Variants in SERGEF observed in about 807,000 individuals in gnomAD.
The protein encoded by SERGEF is secretion-regulating guanine nucleotide exchange factor.
Under a neutral mutation model 50.0 loss-of-function variants are expected in SERGEF, and 51 were observed. The observed-to-expected ratio is 1.02, with a 90% CI of 0.81 to 1.29. The LOEUF is 1.29. Ranked by LOEUF, SERGEF falls within the 50% of genes most tolerant of loss-of-function variation. The pLI, the probability that SERGEF is intolerant of heterozygous loss-of-function variation, is 0.00. For synonymous variants in SERGEF, 205 were observed against 212.4 expected, an observed-to-expected ratio of 0.97 and a Z score of 0.30; for missense variants, 521 against 557.0, an observed-to-expected ratio of 0.94 and a Z score of 0.65.
intron 10 of SERGEF, among the ~76,000 whole-genome samples, chr11:17,833,255 G>A (rs765379651): frequency 5.3e-5 from 8 of 152,338 alleles, no homozygotes; most frequent in South Asian, 2.1e-4. Context: ...AGCTTGGGCC[G>A]TGGCTTCAGA....
intron 10 of SERGEF, among the ~76,000 whole-genome samples, chr11:17,813,332 C>A (rs1849907365): frequency 6.6e-6 from 1 of 152,180 alleles, no homozygotes; most frequent in Admixed American, 6.5e-5. Flanking sequence ...GAGGCCTAAG[C>A]TCATGAGGTG....
intron 9 of SERGEF, among the ~76,000 whole-genome samples, chr11:17,921,942 G>A (rs1852164415): frequency 6.6e-6 from 1 of 152,246 alleles, no homozygotes; most frequent in African/African-American, 2.4e-5. Context: ...AGCACAATGG[G>A]AAGTGGCTGA....
chr11:17,942,306 A>G lies in SERGEF; in HGVS notation c.1011+17164T>C, dbSNP rs192031965. ...CTCCCAGCAGTGTTTTGTAGTTTTTATGTACAAGTCTTGCACGTTTTTGTT... is the reference window on the plus strand; with the variant it reads ...CTCCCAGCAGTGTTTTGTAGTTTTTGTGTACAAGTCTTGCACGTTTTTGTT... On this transcript the variant is annotated intron_variant, in intron 9 of 10. Coordinates refer to ENST00000265965, the MANE Select transcript of SERGEF (RefSeq NM_012139.4). 4.6e-5 allele frequency among the ~76,000 whole-genome samples: 7 copies of G among 152,256 alleles called. No homozygotes were observed. The East Asian group carries it at 1.2e-3, about 25-fold the overall frequency.
chr11:17,958,132 G>A (rs58991112), intron 9 of SERGEF, among the ~76,000 whole-genome samples: 35 of 152,254 alleles, frequency 2.3e-4, no homozygotes, highest in South Asian at 1.9e-3. Flanking sequence ...CCAGCACTAC[G>A]AAAAGGCCCA....
chr11:17,794,502 T>G (rs1216917457), intron 10 of SERGEF, among the ~76,000 whole-genome samples: 2 of 152,194 alleles, frequency 1.3e-5, no homozygotes, highest in Non-Finnish European at 2.9e-5. Flanking sequence ...ACACAGCTAT[T>G]CTAGTCAGGA....
intron 10 of SERGEF, among the ~76,000 whole-genome samples, chr11:17,810,344 A>C (rs1358039562): frequency 6.6e-6 from 1 of 152,156 alleles, no homozygotes; most frequent in East Asian, 1.9e-4. Context: ...CCCATCCCGC[A>C]ATCAGGAATG....
intron 9 of SERGEF, among the ~76,000 whole-genome samples, chr11:17,883,003 G>T (rs1263214039): frequency 2.0e-5 from 3 of 152,210 alleles, no homozygotes; most frequent in Non-Finnish European, 4.4e-5. Flanking sequence ...AGGGTAAGGG[G>T]TGAGAAGCAA....
intron 9 of SERGEF, among the ~76,000 whole-genome samples, chr11:17,943,146 T>C (rs971240582): frequency 1.3e-5 from 2 of 152,096 alleles, no homozygotes; most frequent in African/African-American, 2.4e-5. Context: ...TGTGTAAAAA[T>C]AGTACTATTT....
At chr11:17,811,141 A>G (rs1849863715) in intron 10 of SERGEF, among the ~76,000 whole-genome samples, 1 of 152,236 alleles carries the variant, frequency 6.6e-6, no homozygotes, top group Non-Finnish European at 1.5e-5. Flanking sequence ...CTCCAAGATC[A>G]CCTAACCCAA....
intron 10 of SERGEF, among the ~76,000 whole-genome samples, chr11:17,824,899 A>G (rs1027441072): frequency 6.6e-6 from 1 of 152,204 alleles, no homozygotes; most frequent in African/African-American, 2.4e-5. Context: ...TTCAGTCCAT[A>G]ACAGTGAGAG....
At chr11:17,902,545 T>C (rs1851766927) in intron 9 of SERGEF, among the ~76,000 whole-genome samples, 1 of 152,088 alleles carries the variant, frequency 6.6e-6, no homozygotes, top group East Asian at 1.9e-4. Context: ...CCTCGGTAAC[T>C]AGAAGAACAG....
chr11:17,950,375 A>C (rs1262138453), intron 9 of SERGEF, among the ~76,000 whole-genome samples: 2 of 152,184 alleles, frequency 1.3e-5, no homozygotes, highest in African/African-American at 4.8e-5. Context: ...CTATATCTTA[A>C]ATGCTTGGCT....
intron 9 of SERGEF, among the ~76,000 whole-genome samples, chr11:17,930,980 T>G (rs1282041076): frequency 2.0e-5 from 3 of 152,152 alleles, no homozygotes; most frequent in African/African-American, 7.2e-5. Flanking sequence ...AAAATGGTCA[T>G]AAGGAAGAGC....
chr11:17,919,377 T>G (rs998190715), intron 9 of SERGEF, among the ~76,000 whole-genome samples: 1 of 152,086 alleles, frequency 6.6e-6, no homozygotes, highest in African/African-American at 2.4e-5. Context: ...CCACTGTGAT[T>G]AGACAGGCAA....
chr11:17,883,102 A>G (rs1851366873), intron 9 of SERGEF, among the ~76,000 whole-genome samples: 1 of 152,144 alleles, frequency 6.6e-6, no homozygotes, highest in Non-Finnish European at 1.5e-5. Flanking sequence ...GCGAAGTCAG[A>G]GCTGCAAAAA....
intron 9 of SERGEF, among the ~76,000 whole-genome samples, chr11:17,913,559 T>G (rs1235879894): frequency 2.0e-5 from 3 of 152,102 alleles, no homozygotes; most frequent in African/African-American, 7.2e-5. Flanking sequence ...AGAGGTAGCT[T>G]TGGGGGGTAC....
At chr11:17,974,765 C>A (rs993522437) in intron 8 of SERGEF, among the ~76,000 whole-genome samples, 7 of 152,114 alleles carry the variant, frequency 4.6e-5, no homozygotes, top group African/African-American at 1.7e-4. Flanking sequence ...ATTAAAATTC[C>A]ACAATTTACT....
At chr11:17,946,156 C>T (rs2133960027) in intron 9 of SERGEF, among the ~76,000 whole-genome samples, 1 of 152,260 alleles carries the variant, frequency 6.6e-6, no homozygotes, top group Middle Eastern at 3.4e-3. Context: ...AGTCTCTGGT[C>T]CTAGGTCCCA....
intron 8 of SERGEF, among the ~76,000 whole-genome samples, chr11:17,967,916 C>A (rs1262817018): frequency 6.6e-6 from 1 of 152,174 alleles, no homozygotes; most frequent in African/African-American, 2.4e-5. Flanking sequence ...GAATCCTACT[C>A]CCCCTTCAGG....
Sources: allele counts gnomAD v4.1 joint callset (sites outside exome capture counted in the v4.1 genomes callset), GRCh38; gene constraint gnomAD v4.1.1; transcripts MANE v1.5; gene names NCBI Gene and HGNC (gene_info 2026-07-23, HGNC 2026-07-21).